Variants in SON observed in about 807,000 individuals in gnomAD.
SON encodes the protein SON DNA and RNA binding protein.
In SON, 4 loss-of-function variants were observed where a neutral mutation model predicts 173.3. The ratio of observed to expected loss-of-function variants is 0.02; its 90% CI spans 0.01 to 0.05. The LOEUF is 0.05. Among genes scored for constraint, SON ranks in the 10% least tolerant of loss-of-function variants. The probability of loss-of-function intolerance (pLI) is 1.00; values close to 1 mark genes in which losing one functional copy is unlikely to be tolerated. For synonymous variants in SON, 1,190 were observed against 1,105.9 expected (o/e 1.08, Z -1.51); for missense variants, 2,626 against 3,055.3 (o/e 0.86, Z 3.31).
intron 3 of SON, among the ~76,000 whole-genome samples, chr21:33,556,560 A>G (rs1353596232): frequency 2.6e-5 from 4 of 151,998 alleles, no homozygotes; most frequent in Admixed American, 2.6e-4. Context: ...TAAAAATACA[A>G]AAAATTAGAT....
chr21:33,565,462 G>A (rs181351965), intron 6 of SON, among the ~76,000 whole-genome samples: 1 of 152,244 alleles, frequency 6.6e-6, no homozygotes, highest in African/African-American at 2.4e-5. Flanking sequence ...AAATTACCTT[G>A]ATAATCCTAC....
chr21:33,546,497 A>G, intron 2 of SON, 118 bp downstream of exon 2: 1 of 835,714 alleles, frequency 1.2e-6, no homozygotes, highest in Non-Finnish European at 1.8e-6. Flanking sequence ...TAAAAACTTT[A>G]GGCTGGGTGC....
At chr21:33,557,556 C>G in intron 4 of SON, 1 of 1,550,528 alleles carries the variant, frequency 6.4e-7, no homozygotes, top group South Asian at 1.2e-5. Flanking sequence ...TTTTAGAAGC[C>G]AAACTGACTG....
intron 9 of SON, among the ~76,000 whole-genome samples, chr21:33,574,373 T>G (rs2086353187): frequency 6.6e-6 from 1 of 152,220 alleles, no homozygotes; most frequent in African/African-American, 2.4e-5. Flanking sequence ...TGATGTTAAG[T>G]ATTGTACAAT....
chr21:33,550,009 T>A lies in SON; in HGVS notation c.778T>A (p.Ser260Thr), dbSNP rs141285849. 2.5e-6 allele frequency: 4 copies of A among 1,614,038 alleles called. No individual in the cohort carries two copies. The South Asian group carries it at 3.3e-5, about 13-fold the overall frequency. Residue 260 changes from serine to threonine, a missense_variant, in exon 3 of 12, where the codon TCT becomes ACT. Physicochemically the swap from Ser to Thr is moderately conservative, Grantham distance 58. Around this residue, in one of 13 missense-constraint regions of SON, gnomAD observed 757 missense variants for 730.1 expected, o/e 1.04. Coordinates refer to ENST00000356577, the MANE Select transcript of SON (RefSeq NM_138927.4). ...TACTACAACACTGGTGTTGAAGTCA[T>A]CTGAGCCAGTTGTAACAATGTCAGT... Reference protein sequence around the residue: ...VPTTTLVLKSSEPVVTMSVEY... With the variant: ...VPTTTLVLKSTEPVVTMSVEY...
chr21:33,554,338 G>A lies in SON; in HGVS notation c.5107G>A (p.Gly1703Arg). 1 of 1,614,104 alleles carries A rather than the reference G, an allele frequency of 6.2e-7. No individual in the cohort carries two copies. The highest frequency in any genetic ancestry group is 8.5e-7 in the Non-Finnish European group (1 of 1,179,998). ...AALLSPKESS[G>R]GEKEVPPPPK... ...TCTGCTCAGCCCTAAAGAAAGTAGTGGAGGAGAAAAAGAAGTACCTCCCCC... is the reference window on the plus strand; with the variant it reads ...TCTGCTCAGCCCTAAAGAAAGTAGTAGAGGAGAAAAAGAAGTACCTCCCCC... The change falls in exon 3 of 12, where the codon GGA becomes AGA. Residue 1703 changes from glycine to arginine, a missense_variant. Gly to Arg is a moderately radical substitution (Grantham distance 125, BLOSUM62 -2). Coordinates refer to ENST00000356577, the MANE Select transcript of SON (RefSeq NM_138927.4).
chr21:33,546,063 TAAG>T (rs1339779051), intron 1 of SON, 147 bp from the exon 2 acceptor site: 2 of 571,742 alleles, frequency 3.5e-6, no homozygotes, highest in African/African-American at 3.8e-5. Context: ...TAGATCATGG[TAAG>T]AAGCATTATT....
chr21:33,553,694 A>G lies in SON; in HGVS notation c.4463A>G (p.Asn1488Ser), dbSNP rs61739447. ...IMSSHVMKGI[N>S]LSSGDQNLAP... ...TCATCACATGTTATGAAAGGAATTA[A>G]TCTATCCTCTGGTGATCAAAATCTT... Residue 1488 changes from asparagine to serine, a missense_variant, in exon 3 of 12, where the codon AAT (asparagine) becomes AGT (serine). Transcript: ENST00000356577. 2,463 of 1,614,026 alleles carry G rather than the reference A, an allele frequency of 1.5e-3. 42 individuals carry two copies. In the African/African-American group the frequency reaches 0.03, roughly 20 times the overall value.
intron 3 of SON, among the ~76,000 whole-genome samples, chr21:33,555,639 T>G (rs1418955728): frequency 6.6e-6 from 1 of 152,246 alleles, no homozygotes; most frequent in Non-Finnish European, 1.5e-5. Context: ...TGTTTTATTT[T>G]GTTTTAGTTA....
chr21:33,558,338 A>G (rs905269396), intron 4 of SON: 2 of 152,172 alleles, frequency 1.3e-5, no homozygotes, highest in African/African-American at 4.8e-5. Flanking sequence ...CACCCTCTCC[A>G]TCATGCCTTA....
At chr21:33,573,016 G>T in intron 8 of SON, 1 of 268,724 alleles carries the variant, frequency 3.7e-6, no homozygotes, top group South Asian at 6.9e-5. Flanking sequence ...CCTAAATAGT[G>T]GACGAAAACA....
chr21:33,543,132 G>A lies in SON; in HGVS notation c.40G>A (p.Val14Ile), dbSNP rs2085498423. 2.5e-6 allele frequency: 4 copies of A among 1,614,254 alleles called. No homozygotes were observed. The highest frequency in any genetic ancestry group is 3.4e-6 in the Non-Finnish European group (4 of 1,180,038). Residue 14 changes from valine to isoleucine, a missense_variant, in exon 1 of 12, where the codon GTC becomes ATC. Transcript: ENST00000356577. The stretch of plus-strand genomic sequence containing the variant: ...CGAGCAGATTTTTAGGTCTTTCGTG[G>A]TCAGTAAATTCCGGGAAATTCAACA... ...NIEQIFRSFV[V>I]SKFREIQQEL...
chr21:33,572,706 T>C, intron 8 of SON: 2 of 703,264 alleles, frequency 2.8e-6, no homozygotes, highest in Non-Finnish European at 4.5e-6. Context: ...AAATTCATTT[T>C]GGCATACTTA....
intron 2 of SON, 122 bp downstream of exon 2, chr21:33,546,501 TG>T (rs2085620321): frequency 1.3e-6 from 1 of 756,592 alleles, no homozygotes; most frequent in Admixed American, 3.1e-5. Context: ...AACTTTAGGC[TG>T]GGTGCGATGG....
Position 33,577,105 on chromosome 21 carries a change from C to T in SON, c.*681C>T, listed in dbSNP as rs1432719245. On this transcript the variant is annotated 3_prime_UTR_variant, in exon 12 of 12. Transcript: ENST00000356577. ...GTGGTATGTTGTGTGATGATCAGCACTAAGTCCTGCATTCCTGTTAAAGCC... is the reference window on the plus strand; with the variant it reads ...GTGGTATGTTGTGTGATGATCAGCATTAAGTCCTGCATTCCTGTTAAAGCC... 6.5e-6 allele frequency: 1 copy of T among 154,726 alleles called. No individual in the cohort carries two copies. The highest frequency in any genetic ancestry group is 2.0e-4 in the South Asian group (1 of 5,058). The allele number at this position is 154,726 out of a possible 1,614,324, so 9.6% of individuals were successfully genotyped here.
In SON at chr21:33,554,774, G is replaced by T. The variant is rs929893749; in HGVS notation, c.5543G>T (p.Arg1848Ile). 1 of 1,613,820 alleles carries T rather than the reference G, an allele frequency of 6.2e-7. No homozygotes were observed. The highest frequency in any genetic ancestry group is 8.5e-7 in the Non-Finnish European group (1 of 1,180,046). ...KRTSESRSRA[R>I]KRSSKSKSHR... The stretch of plus-strand genomic sequence containing the variant: ...ACCAGTGAATCTCGTTCTAGGGCAA[G>T]AAAGAGATCATCTAAGTCCAAGTCT... Residue 1848 changes from arginine (R) to isoleucine (I), a missense_variant, in exon 3 of 12, where the codon AGA becomes ATA. By Grantham distance (97) the Arg-to-Ile change is moderately conservative. Coordinates refer to ENST00000356577, the MANE Select transcript of SON (RefSeq NM_138927.4).
chr21:33,556,302 T>C (rs2085964900), intron 3 of SON, among the ~76,000 whole-genome samples: 1 of 152,162 alleles, frequency 6.6e-6, no homozygotes, highest in South Asian at 2.1e-4. Context: ...AGTAACACTG[T>C]CTAAAAAGGA....
intron 1 of SON, among the ~76,000 whole-genome samples, chr21:33,544,378 C>A (rs1230112645): frequency 6.6e-6 from 1 of 152,158 alleles, no homozygotes; most frequent in Non-Finnish European, 1.5e-5. Flanking sequence ...CCTGACAAAT[C>A]TCTGGCTGCA....
intron 2 of SON, among the ~76,000 whole-genome samples, chr21:33,548,155 T>G (rs1157694757): frequency 6.6e-6 from 1 of 152,200 alleles, no homozygotes; most frequent in East Asian, 1.9e-4. Context: ...TCCCATCTCT[T>G]TAGGGTATGT....
Sources: allele counts gnomAD v4.1 joint callset (sites outside exome capture counted in the v4.1 genomes callset), GRCh38; gene constraint gnomAD v4.1.1; regional missense constraint gnomAD v4.1.1; transcripts MANE v1.5; gene names NCBI Gene and HGNC (gene_info 2026-07-23, HGNC 2026-07-21).